CENPK: variants seen among roughly 807,000 people sequenced by gnomAD.
The protein encoded by CENPK is centromere protein K.
CENPK carries 46 observed loss-of-function variants against 40.9 expected under a neutral mutation model. The observed-to-expected ratio is 1.13, with a 90% CI of 0.89 to 1.44. The LOEUF (loss-of-function observed/expected upper bound fraction) is 1.44, where lower values mean the gene tolerates loss of function less well. CENPK is among the 40% of genes most tolerant of loss of function. CENPK has a pLI of 0.00. For missense variants in CENPK, 288 were observed against 303.5 expected, an observed-to-expected ratio of 0.95 and a Z score of 0.38; for synonymous variants, 107 against 104.4, an observed-to-expected ratio of 1.02 and a Z score of -0.15.
chr5:65,538,092 T>C (rs1747285642), intron 6 of CENPK, among the ~76,000 whole-genome samples: 3 of 152,234 alleles, frequency 2.0e-5, no homozygotes, highest in South Asian at 4.1e-4. Flanking sequence ...TGTCTGTTGA[T>C]TATAGCCATC....
intron 6 of CENPK, among the ~76,000 whole-genome samples, chr5:65,541,787 C>G (rs1251136649): frequency 1.3e-5 from 2 of 152,184 alleles, no homozygotes; most frequent in East Asian, 3.8e-4. Flanking sequence ...ACTGATCACC[C>G]AGTTTCAAAG....
intron 6 of CENPK, among the ~76,000 whole-genome samples, chr5:65,533,370 T>TAAATAAATAAATAAATAAATAAAA (rs1367099173): frequency 4.1e-4 from 62 of 151,088 alleles, no homozygotes; most frequent in African/African-American, 1.4e-3. Context: ...AATAAATAAA[T>TAAATAAATAAATAAATAAATAAAA]AAAATAACAA....
At chr5:65,525,585 T>A (rs1744554576) in intron 9 of CENPK, among the ~76,000 whole-genome samples, 1 of 152,170 alleles carries the variant, frequency 6.6e-6, no homozygotes, top group African/African-American at 2.4e-5. Context: ...TTTGTATACA[T>A]CTTTGAGTTA....
At chr5:65,511,760 T>A in the CENPK span, among the ~76,000 whole-genome samples, 37 of 152,296 alleles carry the variant, frequency 2.4e-4, no homozygotes, top group Non-Finnish European at 4.4e-4. Flanking sequence ...TATGAGAAGC[T>A]AATGCCTCAT....
chr5:65,545,526 A>G (rs1003445856), intron 5 of CENPK, among the ~76,000 whole-genome samples: 1 of 152,220 alleles, frequency 6.6e-6, no homozygotes, highest in African/African-American at 2.4e-5. Flanking sequence ...TTCAGGAATG[A>G]AAGAGAAATC....
At chr5:65,542,907 G>T (rs1748228943) in intron 5 of CENPK, 59 bp from the exon 6 acceptor site, 9 of 1,472,978 alleles carry the variant, frequency 6.1e-6, no homozygotes, top group Non-Finnish European at 8.4e-6. Flanking sequence ...CAAAAATCAA[G>T]AATTTAATTT....
the CENPK span, among the ~76,000 whole-genome samples, chr5:65,498,634 CTTT>C: frequency 7.5e-6 from 1 of 132,788 alleles, no homozygotes. Context: ...TTTCTTTTTT[CTTT>C]TTTTTTTTTT....
At chr5:65,539,845 T>C (rs1395032171) in intron 6 of CENPK, among the ~76,000 whole-genome samples, 3 of 152,190 alleles carry the variant, frequency 2.0e-5, no homozygotes, top group Admixed American at 6.5e-5. Flanking sequence ...GATATGACCC[T>C]CCAGAAGGGT....
intron 6 of CENPK, among the ~76,000 whole-genome samples, chr5:65,534,378 C>A (rs2150404403): frequency 6.6e-6 from 1 of 152,174 alleles, no homozygotes; most frequent in Non-Finnish European, 1.5e-5. Flanking sequence ...CAAACCAATT[C>A]TAAAAGTTAC....
chr5:65,528,351 C>T, intron 9 of CENPK, 101 bp downstream of exon 9: 2 of 940,086 alleles, frequency 2.1e-6, no homozygotes, highest in Non-Finnish European at 1.4e-6. Context: ...TATTTCCATA[C>T]ATGTGCATAC....
chr5:65,512,518 C>CA, the CENPK span, among the ~76,000 whole-genome samples: 1 of 152,160 alleles, frequency 6.6e-6, no homozygotes, highest in Non-Finnish European at 1.5e-5. Context: ...CTTCCACCAG[C>CA]AAAAAATTAC....
intron 7 of CENPK, 41 bp downstream of exon 7, chr5:65,529,076 A>C (rs762118459): frequency 2.0e-6 from 3 of 1,534,916 alleles, no homozygotes; most frequent in Non-Finnish European, 2.7e-6. Context: ...ATGTCACTTA[A>C]TATATATGAA....
intron 6 of CENPK, among the ~76,000 whole-genome samples, chr5:65,536,764 A>G (rs1746981198): frequency 6.6e-6 from 1 of 152,188 alleles, no homozygotes; most frequent in Non-Finnish European, 1.5e-5. Context: ...GTAAAATTTC[A>G]TAATTCGACT....
chr5:65,516,535 T>A (rs1235330525), downstream of CENPK, among the ~76,000 whole-genome samples: 2 of 152,140 alleles, frequency 1.3e-5, no homozygotes, highest in African/African-American at 4.8e-5. Flanking sequence ...TGGAAGAGAA[T>A]AATCATAACG....
At chr5:65,551,315 G>T in intron 5 of CENPK, 1 of 371,062 alleles carries the variant, frequency 2.7e-6, no homozygotes, top group Non-Finnish European at 4.9e-6. Context: ...CAGTGTCTAT[G>T]AGGATAACAT....
chr5:65,542,359 C>T (rs1276563910), intron 6 of CENPK, among the ~76,000 whole-genome samples: 1 of 152,190 alleles, frequency 6.6e-6, no homozygotes, highest in Non-Finnish European at 1.5e-5. Flanking sequence ...AATCTTTAGG[C>T]CAGGTGTGGT....
intron 3 of CENPK, among the ~76,000 whole-genome samples, 182 bp downstream of exon 3, chr5:65,554,615 T>C (rs991807762): frequency 9.9e-5 from 15 of 152,242 alleles, no homozygotes; most frequent in African/African-American, 3.6e-4. Context: ...AATTTTTCTT[T>C]CTATAGCTCA....
intron 6 of CENPK, among the ~76,000 whole-genome samples, chr5:65,542,372 C>T (rs1748122595): frequency 1.3e-5 from 2 of 152,208 alleles, no homozygotes; most frequent in Admixed American, 1.3e-4. Context: ...GGTGTGGTGG[C>T]TTACGCCTGT....
At chr5:65,526,123 T>C (rs1395017765) in intron 9 of CENPK, among the ~76,000 whole-genome samples, 2 of 152,176 alleles carry the variant, frequency 1.3e-5, no homozygotes, top group African/African-American at 4.8e-5. Context: ...AATGACCCGA[T>C]AATGGCTCAT....
Sources: allele counts gnomAD v4.1 joint callset (sites outside exome capture counted in the v4.1 genomes callset), GRCh38; gene constraint gnomAD v4.1.1; transcripts MANE v1.5; gene names NCBI Gene and HGNC (gene_info 2026-07-23, HGNC 2026-07-21).